Variants in NUB1 observed in about 807,000 individuals in gnomAD.
NUB1 encodes the protein negative regulator of ubiquitin like proteins 1.
In NUB1, 41 loss-of-function variants were observed where a neutral mutation model predicts 77.1. The observed-to-expected ratio is 0.53, with a 90% confidence interval of 0.41 to 0.69. NUB1 has a LOEUF of 0.69. NUB1 is among the 30% of genes least tolerant of loss of function. The probability of loss-of-function intolerance (pLI) is 0.00; values close to 1 mark genes in which losing one functional copy is unlikely to be tolerated. For synonymous variants in NUB1, 257 were observed against 281.0 expected (o/e 0.91, Z 0.85); for missense variants, 643 against 743.8 (o/e 0.86, Z 1.58).
At chr7:151,348,438 A>G (rs1796606995) in intron 2 of NUB1, among the ~76,000 whole-genome samples, 1 of 151,892 alleles carries the variant, frequency 6.6e-6, no homozygotes, top group Non-Finnish European at 1.5e-5. Flanking sequence ...TACTTTTTAA[A>G]TAGATCACAG....
In NUB1 at chr7:151,374,199, C is replaced by G. The variant is rs2150720600; in HGVS notation, c.1351C>G (p.Gln451Glu). The G allele has an allele frequency of 6.4e-7, 1 of 1,570,426 alleles. No individual in the cohort carries two copies. The highest frequency in any genetic ancestry group is 2.4e-5 in the East Asian group (1 of 42,068). The part of the protein sequence containing the change: ...GMGYSTHAAQ[Q>E]VLHAASGNLD... ...GGGCTACTCCACGCACGCGGCCCAG[C>G]AGGTACTCCACGCAGCCAGCGGGAA... Residue 451 changes from glutamine (Q) to glutamate (E), a missense_variant, in exon 12 of 15, where the codon CAG becomes GAG. Transcript: ENST00000568733.
At position 151,351,407 on chromosome 7, in the gene NUB1, TGTC is replaced by T; in HGVS notation, c.286-16_286-14del. 6.3e-7 allele frequency: 1 copy of T among 1,590,248 alleles called. No individual in the cohort carries two copies. Among genetic ancestry groups the T allele is most frequent in the Non-Finnish European group, 8.6e-7 (1 of 1,160,692 alleles). ...GGTTAAATTCAAGTACGTTTTACTT[TGTC>T]TTATTTTTAACAGGATAGGAAAAAC... On this transcript the variant is annotated splice_polypyrimidine_tract_variant and intron_variant, in intron 3 of 14. Transcript: ENST00000568733.
intron 8 of NUB1, among the ~76,000 whole-genome samples, chr7:151,363,295 C>A (rs1006258105): frequency 6.6e-6 from 1 of 152,072 alleles, no homozygotes; most frequent in Non-Finnish European, 1.5e-5. Flanking sequence ...GGGAGACATT[C>A]AAAAGACCCA....
chr7:151,362,767 TCTG>T (rs1183941089), intron 8 of NUB1, among the ~76,000 whole-genome samples: 1 of 152,208 alleles, frequency 6.6e-6, no homozygotes, highest in African/African-American at 2.4e-5. Context: ...TTTTGAGTCT[TCTG>T]CTCAGTAATG....
intron 11 of NUB1, chr7:151,369,292 G>T (rs1461112672): frequency 6.5e-6 from 1 of 153,734 alleles, no homozygotes; most frequent in Non-Finnish European, 1.4e-5. Flanking sequence ...ACAGGTGTGA[G>T]CCACCGCGCC....
At chr7:151,352,991 T>C in intron 5 of NUB1, 109 bp downstream of exon 5, 1 of 630,138 alleles carries the variant, frequency 1.6e-6, no homozygotes, top group Non-Finnish European at 2.7e-6. Context: ...ATTTCATTTA[T>C]AATCCAAAAG....
Position 151,367,015 on chromosome 7 carries a change from C to A in NUB1, c.877C>A (p.Arg293Ser). 1 of 1,613,758 alleles carries A rather than the reference C, an allele frequency of 6.2e-7. No homozygotes were observed. Among genetic ancestry groups the A allele is most frequent in the Non-Finnish European group, 8.5e-7 (1 of 1,179,760 alleles). ...LQLDIVWCYFRLEQLECLDDA... is the reference protein window; with the variant it reads ...LQLDIVWCYFSLEQLECLDDA... Reference sequence around the variant, plus strand: ...GCTGGATATAGTGTGGTGTTACTTCCGCCTGGAACAGCTGGAATGCCTTGA... The same window carrying A: ...GCTGGATATAGTGTGGTGTTACTTCAGCCTGGAACAGCTGGAATGCCTTGA... The change falls in exon 9 of 15, where the codon CGC becomes AGC. Residue 293 changes from arginine to serine, a missense_variant. By Grantham distance (110) the Arg-to-Ser change is moderately radical (BLOSUM62 -1). Transcript: ENST00000568733.
intron 8 of NUB1, among the ~76,000 whole-genome samples, chr7:151,364,837 T>A (rs868522968): frequency 6.6e-6 from 1 of 152,058 alleles, no homozygotes; most frequent in Non-Finnish European, 1.5e-5. Flanking sequence ...TTTTGAAAGC[T>A]AGGCTCAGTA....
chr7:151,345,911 G>T (rs1450710570), intron 2 of NUB1, among the ~76,000 whole-genome samples: 1 of 152,082 alleles, frequency 6.6e-6, no homozygotes, highest in Non-Finnish European at 1.5e-5. Context: ...TCCAAAATAG[G>T]TTTTTTCTAA....
chr7:151,372,466 G>A (rs550892586), intron 11 of NUB1, among the ~76,000 whole-genome samples: 4 of 152,348 alleles, frequency 2.6e-5, no homozygotes, highest in African/African-American at 9.6e-5. Context: ...GTGCTTGGAT[G>A]TTAGGTGCGC....
intron 11 of NUB1, 53 bp from the exon 12 acceptor site, chr7:151,374,044 G>T (rs961911770): frequency 6.7e-7 from 1 of 1,502,808 alleles, no homozygotes; most frequent in Non-Finnish European, 9.0e-7. Context: ...AGACTGAGAG[G>T]CTGTGAAATC....
chr7:151,351,939 T>C (rs379931), intron 4 of NUB1, among the ~76,000 whole-genome samples: 112,985 of 150,682 alleles, frequency 0.75, 42,424 homozygotes, highest in East Asian at 0.98. Flanking sequence ...ACACACACGT[T>C]TGCCACATAC....
Position 151,347,443 on chromosome 7 carries a change from T to C in NUB1, c.118-1630T>C, listed in dbSNP as rs112923728. Among the ~76,000 whole-genome samples the C allele has an allele frequency of 3.0e-3, 458 of 152,150 alleles. 1 individual carries two copies. The highest frequency in any genetic ancestry group is 0.01 in the African/African-American group (435 of 41,518). The stretch of plus-strand genomic sequence containing the variant: ...GAAAAAAAAAGTATATATAGGTTTA[T>C]GTTACTTACAAAATTTTTTTTCCTT... On this transcript the variant is annotated intron_variant, in intron 2 of 14. Transcript: ENST00000568733.
Position 151,349,083 on chromosome 7 carries a change from A to T in NUB1, c.128A>T (p.Lys43Met), listed in dbSNP as rs1379022340. 6.2e-7 allele frequency: 1 copy of T among 1,610,790 alleles called. No individual in the cohort carries two copies. Among genetic ancestry groups the T allele is most frequent in the Non-Finnish European group, 8.5e-7 (1 of 1,179,178 alleles). Reference protein sequence around the residue: ...KVGLALKDLAKQYSDRLECCE... With the variant: ...KVGLALKDLAMQYSDRLECCE... Reference sequence around the variant, plus strand: ...GATTTTTCTTGATAGGACCTTGCTAAGCAGTACTCTGACAGACTAGAATGC... The same window carrying T: ...GATTTTTCTTGATAGGACCTTGCTATGCAGTACTCTGACAGACTAGAATGC... The change falls in exon 3 of 15, where the codon AAG becomes ATG. Residue 43 changes from lysine to methionine, a missense_variant. Transcript: ENST00000568733.
At chr7:151,364,585 C>CACG (rs1263166647) in intron 8 of NUB1, among the ~76,000 whole-genome samples, 1 of 152,036 alleles carries the variant, frequency 6.6e-6, no homozygotes, top group Non-Finnish European at 1.5e-5. Flanking sequence ...AGTGCAATGG[C>CACG]ACGATCTCGG....
chr7:151,343,910 G>C (rs993350911), intron 1 of NUB1, among the ~76,000 whole-genome samples: 2 of 151,954 alleles, frequency 1.3e-5, no homozygotes, highest in Non-Finnish European at 2.9e-5. Context: ...GGCCAGGCGC[G>C]GTGGCTCAGG....
At chr7:151,368,996 G>A (rs1321558904) in intron 11 of NUB1, 109 bp downstream of exon 11, 2 of 1,224,188 alleles carry the variant, frequency 1.6e-6, no homozygotes, top group South Asian at 1.9e-5. Flanking sequence ...GATTGGGAAG[G>A]AAGGAGAAAC....
At chr7:151,341,973 G>A in intron 1 of NUB1, 127 bp downstream of exon 1, 1 of 1,315,038 alleles carries the variant, frequency 7.6e-7, no homozygotes, top group Non-Finnish European at 9.7e-7. Flanking sequence ...GGGGTGAGCA[G>A]CCATGCGTGG....
chr7:151,366,218 G>C (rs924723889), intron 8 of NUB1, among the ~76,000 whole-genome samples: 2 of 152,122 alleles, frequency 1.3e-5, no homozygotes, highest in East Asian at 3.8e-4. Flanking sequence ...CTGCTGCCAC[G>C]AATACGGAGT....
Sources: gnomAD v4.1 joint callset for allele counts (sites outside exome capture counted in the v4.1 genomes callset) on GRCh38, gnomAD v4.1.1 for gene constraint, MANE v1.5 for transcripts, NCBI Gene and HGNC (gene_info 2026-07-23, HGNC 2026-07-21) for gene names.